The following DST variants were observed in gnomAD, a reference collection of about 807,000 sequenced individuals.
DST encodes bullous pemphigoid antigen.
Under a neutral mutation model 875.2 loss-of-function variants are expected in DST, and 253 were observed. The observed-to-expected ratio is 0.29, with a 90% CI of 0.26 to 0.32. The LOEUF (loss-of-function observed/expected upper bound fraction) is 0.32. Ranked by LOEUF, DST falls within the 10% of genes least tolerant of loss-of-function variation. The pLI is 1.00. For missense variants in DST, 8,287 were observed against 9,111.6 expected (o/e 0.91, Z 3.68); for synonymous variants, 3,124 against 3,197.1 (o/e 0.98, Z 0.77).
intron 23 of DST, 92 bp from the exon 24 acceptor site, chr6:56,635,806 C>T: frequency 2.2e-6 from 3 of 1,333,472 alleles, no homozygotes; most frequent in South Asian, 2.4e-5. Flanking sequence ...CTATGTGTAC[C>T]CCTCATAAGT....
At chr6:56,475,897 T>C (rs2095163765) in intron 92 of DST, among the ~76,000 whole-genome samples, 1 of 151,540 alleles carries the variant, frequency 6.6e-6, no homozygotes. Flanking sequence ...AGGGCAGGAG[T>C]GAACGTGAGA....
At chr6:56,500,569 T>A (rs1165641489) in intron 80 of DST, among the ~76,000 whole-genome samples, 2 of 152,110 alleles carry the variant, frequency 1.3e-5, no homozygotes, top group Non-Finnish European at 2.9e-5. Flanking sequence ...GACAAAGGGA[T>A]AAGCCCCAAC....
In DST at chr6:56,572,255, A is replaced by C. The variant is rs960590627; in HGVS notation, c.13566T>G (p.Ser4522=). 6.4e-7 allele frequency: 1 copy of C among 1,560,576 alleles called. No individual in the cohort carries two copies. The highest frequency in any genetic ancestry group is 8.7e-7 in the Non-Finnish European group (1 of 1,152,638). ...ELSQYMQEST[S]EFLEHKKHLE... ...GATGTTTCTTGTGTTCTAAAAATTC[A>C]GAAGTTGATTCCTACAAAGCATTAA... Residue 4522 remains serine, a synonymous_variant, in exon 53 of 104, where the codon TCT becomes TCG. Coordinates refer to ENST00000680361, the MANE Select transcript of DST (RefSeq NM_001374736.1).
At chr6:56,836,776 G>A (rs1375382546) in intron 4 of DST, among the ~76,000 whole-genome samples, 8 of 150,180 alleles carry the variant, frequency 5.3e-5, no homozygotes, top group South Asian at 2.1e-4. Flanking sequence ...GCGTGAACCC[G>A]GGAGGCGGAG....
rs190768615 is a variant in DST at position 56,829,397 on chromosome 6, A to T, written c.625+22000T>A. 4.6e-5 allele frequency among the ~76,000 whole-genome samples: 7 copies of T among 152,326 alleles called. No homozygotes were observed. In the East Asian group the frequency reaches 1.3e-3, roughly 29 times the overall value. ...GTTTGACTTGGCAATGTTACAGATA[A>T]ATCTAATGCCCCAAAGTACTCCTTG... On this transcript the variant is annotated intron_variant, in intron 4 of 103. Transcript: ENST00000680361.
chr6:56,947,924 C>CCTATACATACTATGTTTTTTT (rs147672783), intron 2 of DST, among the ~76,000 whole-genome samples: 1 of 28,254 alleles, frequency 3.5e-5, no homozygotes, highest in Non-Finnish European at 9.6e-5. Context: ...AGTACTAAAC[C>CCTATACATACTATGTTTTTTT]CTATACATAC....
chr6:56,651,299 A>G, intron 10 of DST, 55 bp from the exon 11 acceptor site: 1 of 1,051,768 alleles, frequency 9.5e-7, no homozygotes, highest in Non-Finnish European at 1.4e-6. Context: ...ATTCAACATT[A>G]TATAATTATA....
intron 69 of DST, among the ~76,000 whole-genome samples, chr6:56,518,196 A>G (rs1459004411): frequency 6.6e-6 from 1 of 152,212 alleles, no homozygotes; most frequent in African/African-American, 2.4e-5. Flanking sequence ...AAACATTTTT[A>G]AGAGCATTCT....
At chr6:56,757,952 C>T (rs1482081944) in intron 4 of DST, among the ~76,000 whole-genome samples, 1 of 152,192 alleles carries the variant, frequency 6.6e-6, no homozygotes, top group African/African-American at 2.4e-5. Context: ...ATTAGCCAAC[C>T]TAATCCTACC....
chr6:56,703,534 C>A (rs2152880969), intron 7 of DST, 114 bp downstream of exon 7: 1 of 235,920 alleles, frequency 4.2e-6, no homozygotes, highest in African/African-American at 2.3e-5. Flanking sequence ...TGGGTTTTGG[C>A]CCTTTCTATG....
At chr6:56,905,295 C>T (rs900412695) in intron 2 of DST, among the ~76,000 whole-genome samples, 2 of 152,076 alleles carry the variant, frequency 1.3e-5, no homozygotes, top group African/African-American at 4.8e-5. Flanking sequence ...TCTCTTCAAC[C>T]TTTAAGTGCA....
At position 56,603,409 on chromosome 6, in the gene DST, C is replaced by T. The variant is rs746116798; in HGVS notation, c.10953G>A (p.Leu3651=). The change falls in exon 42 of 104, where the codon TTG becomes TTA. Residue 3651 remains leucine (L), a synonymous_variant. Transcript: ENST00000680361. ...NQLRQLETFE[L]GLAPIAVILR... ...AAATAACAGCAATTGGAGCTAATCC[C>T]AATTCAAATGTCTGCAAAGAAATAT... The T allele has an allele frequency of 7.5e-5, 120 of 1,609,990 alleles. 1 individual carries two copies. The South Asian group carries it at 1.3e-3, about 17-fold the overall frequency.
chr6:56,522,358 A>G (rs2096723127), intron 69 of DST, among the ~76,000 whole-genome samples: 1 of 152,194 alleles, frequency 6.6e-6, no homozygotes, highest in South Asian at 2.1e-4. Flanking sequence ...AGACTGCCAA[A>G]TATCACAACA....
intron 5 of DST, 89 bp downstream of exon 5, chr6:56,735,139 G>C: frequency 1.2e-6 from 1 of 851,038 alleles, no homozygotes; most frequent in Non-Finnish European, 1.9e-6. Flanking sequence ...ATTTTCAAAA[G>C]TTGTGCTTCA....
Position 56,927,795 on chromosome 6 carries a change from C to T in DST, c.216+25990G>A, listed in dbSNP as rs1807979681. Among the ~76,000 whole-genome samples, 4 of 152,246 alleles carry T rather than the reference C, an allele frequency of 2.6e-5. No homozygotes were observed. The South Asian group carries it at 8.3e-4, about 32-fold the overall frequency. On this transcript the variant is annotated intron_variant, in intron 2 of 103. Coordinates refer to ENST00000680361, the MANE Select transcript of DST (RefSeq NM_001374736.1). The stretch of plus-strand genomic sequence containing the variant: ...AAAACAGAAAGCACATTAGATATTT[C>T]AACAGGAGGGATTTAAAAAAGAGAA...
chr6:56,784,444 A>G (rs1295342774), intron 4 of DST, among the ~76,000 whole-genome samples: 2 of 151,998 alleles, frequency 1.3e-5, no homozygotes, highest in African/African-American at 2.4e-5. Flanking sequence ...TTTTTTCTCT[A>G]AACTTCCCTT....
intron 13 of DST, among the ~76,000 whole-genome samples, chr6:56,646,778 T>G (rs1323830227): frequency 6.6e-6 from 1 of 152,230 alleles, no homozygotes; most frequent in East Asian, 1.9e-4. Flanking sequence ...CTATCTAGTT[T>G]GTATACATTA....
chr6:56,587,373 A>G (rs996535918), intron 49 of DST, among the ~76,000 whole-genome samples: 2 of 152,218 alleles, frequency 1.3e-5, no homozygotes, highest in South Asian at 4.1e-4. Context: ...AAAGAATAAA[A>G]AGAAACGAAC....
chr6:56,868,890 G>A (rs1220427508), intron 3 of DST, among the ~76,000 whole-genome samples: 1 of 152,288 alleles, frequency 6.6e-6, no homozygotes, highest in East Asian at 1.9e-4. Context: ...AATACCCTAT[G>A]TAAACATGAA....
Sources: allele counts gnomAD v4.1 joint callset (sites outside exome capture counted in the v4.1 genomes callset), GRCh38; gene constraint gnomAD v4.1.1; transcripts MANE v1.5; gene names NCBI Gene and HGNC (gene_info 2026-07-23, HGNC 2026-07-21).